P2RY8: variants seen among roughly 807,000 people sequenced by gnomAD.
P2RY8 encodes S-geranylgeranyl-glutathione receptor P2RY8.
A neutral mutation model predicts 10.0 loss-of-function variants in P2RY8; 6 were observed. The ratio of observed to expected loss-of-function variants is 0.60; its 90% CI spans 0.33 to 1.19. The LOEUF is 1.19. P2RY8 is among the 50% of genes most tolerant of loss of function. The probability of loss-of-function intolerance (pLI) is 0.04; values close to 1 mark genes in which losing one functional copy is unlikely to be tolerated. For synonymous variants in P2RY8, 276 were observed against 252.5 expected (o/e 1.09, Z -0.88); for missense variants, 456 against 542.0 (o/e 0.84, Z 1.58).
intron 1 of P2RY8, among the ~76,000 whole-genome samples, chrX:1,491,608 C>T (rs113031700): frequency 6.6e-6 from 1 of 151,898 alleles, no homozygotes; most frequent in East Asian, 1.9e-4. Flanking sequence ...AATGCACAGC[C>T]AATGAGTGAC....
Position 1,466,410 on chromosome X carries a change from C to T in P2RY8, c.149G>A (p.Arg50Gln), listed in dbSNP as rs1309224091. The T allele has an allele frequency of 1.2e-6, 2 of 1,613,342 alleles. No homozygotes were observed. The highest frequency in any genetic ancestry group is 1.7e-6 in the Non-Finnish European group (2 of 1,179,844). ...CGACGGGGATCTGGGCCCCATGCGC[C>T]GGCACAGCACCCACAGAGAGAAGAG... The part of the protein sequence containing the change: ...GNLFSLWVLC[R>Q]RMGPRSPSVI... The change falls in exon 2 of 2, where the codon CGG becomes CAG. Residue 50 changes from arginine to glutamine, a missense_variant. Transcript: ENST00000381297.
At chrX:1,468,529 C>T (rs755440324) in intron 1 of P2RY8, among the ~76,000 whole-genome samples, 1 of 152,290 alleles carries the variant, frequency 6.6e-6, no homozygotes, top group East Asian at 1.9e-4. Context: ...TGCCCTGACA[C>T]AGGAGGCACA....
chrX:1,472,776 T>C (rs1479872304), intron 1 of P2RY8, among the ~76,000 whole-genome samples: 3 of 145,000 alleles, frequency 2.1e-5, no homozygotes, highest in Non-Finnish European at 4.5e-5. Context: ...GATAGATGTG[T>C]GGGTGGATGA....
At chrX:1,493,235 C>A (rs1251952370) in intron 1 of P2RY8, among the ~76,000 whole-genome samples, 21 of 148,606 alleles carry the variant, frequency 1.4e-4, no homozygotes, top group African/African-American at 5.2e-4. Flanking sequence ...TTGCAGTGAG[C>A]AGAGGTCACG....
At chrX:1,502,485 C>T (rs1209799430) in intron 1 of P2RY8, among the ~76,000 whole-genome samples, 4 of 152,110 alleles carry the variant, frequency 2.6e-5, no homozygotes, top group African/African-American at 9.7e-5. Context: ...CTCCCGGCAA[C>T]ACGCTTTGCC....
chrX:1,525,049 G>A (rs2092431180), intron 1 of P2RY8, among the ~76,000 whole-genome samples: 1 of 152,208 alleles, frequency 6.6e-6, no homozygotes, highest in South Asian at 2.1e-4. Context: ...TGTAGCCAGG[G>A]TCTGTCACCT....
intron 1 of P2RY8, among the ~76,000 whole-genome samples, chrX:1,471,308 C>CCTT (rs1569536548): frequency 2.8e-5 from 2 of 71,110 alleles, no homozygotes; most frequent in Non-Finnish European, 2.7e-5. Flanking sequence ...GCGCCCAGCC[C>CCTT]ATTTTTTTTT....
intron 1 of P2RY8, among the ~76,000 whole-genome samples, chrX:1,469,760 C>A (rs1379442566): frequency 2.0e-5 from 3 of 151,698 alleles, no homozygotes; most frequent in African/African-American, 7.3e-5. Flanking sequence ...ATTAGCCGGG[C>A]GTGGTGGCAT....
intron 1 of P2RY8, among the ~76,000 whole-genome samples, chrX:1,499,470 G>A (rs1404706915): frequency 6.6e-6 from 1 of 152,086 alleles, no homozygotes; most frequent in African/African-American, 2.4e-5. Flanking sequence ...TGGTGGCCCT[G>A]GCCTTTTCTT....
chrX:1,484,746 A>AG (rs1305323623), intron 1 of P2RY8, among the ~76,000 whole-genome samples: 1 of 110,396 alleles, frequency 9.1e-6, no homozygotes, highest in African/African-American at 3.1e-5. Context: ...AAAAAAAAAA[A>AG]AAGAAGAAGA....
chrX:1,476,511 C>T (rs1274257534), intron 1 of P2RY8, among the ~76,000 whole-genome samples: 4 of 151,226 alleles, frequency 2.6e-5, no homozygotes, highest in Admixed American at 2.6e-4. Flanking sequence ...GGCATGAACC[C>T]CGGAGGCAGA....
rs185326195 is a variant in P2RY8, at chrX:1,463,437, A to G, written c.*2042T>C. On this transcript the variant is annotated 3_prime_UTR_variant, in exon 2 of 2. Transcript: ENST00000381297. ...CAGGTGTCCCTGGGCTTGTGGCCGC[A>G]TCACTCCAGTCTGCCTCTGTCTCCA... The G allele has an allele frequency of 8.6e-6, 2 of 231,900 alleles. No individual in the cohort carries two copies. The highest frequency in any genetic ancestry group is 1.2e-4 in the East Asian group (2 of 16,486). The allele number at this position is 231,900 out of a possible 1,614,324, so 14.4% of individuals were successfully genotyped here. A position where few individuals can be genotyped will look rare whatever the true frequency, so the allele number is the denominator to read the frequency against.
At chrX:1,501,934 G>A (rs2092184657) in intron 1 of P2RY8, among the ~76,000 whole-genome samples, 2 of 149,272 alleles carry the variant, frequency 1.3e-5, no homozygotes, top group African/African-American at 2.5e-5. Flanking sequence ...TTTTTGAGAC[G>A]AAATCTCGCT....
At chrX:1,484,248 G>A (rs778782082) in intron 1 of P2RY8, among the ~76,000 whole-genome samples, 3 of 152,188 alleles carry the variant, frequency 2.0e-5, no homozygotes, top group East Asian at 3.9e-4. Context: ...ATTTCCCCAC[G>A]TGTGAGCCAG....
intron 1 of P2RY8, among the ~76,000 whole-genome samples, chrX:1,525,923 T>C (rs1355856235): frequency 6.6e-6 from 1 of 152,140 alleles, no homozygotes; most frequent in African/African-American, 2.4e-5. Flanking sequence ...CATCCATCCA[T>C]CCATCCATTC....
At chrX:1,501,590 TTTTTTATTA>T (rs1483926008) in intron 1 of P2RY8, among the ~76,000 whole-genome samples, 2 of 151,488 alleles carry the variant, frequency 1.3e-5, no homozygotes, top group East Asian at 1.9e-4. Context: ...TTCATTTTTA[TTTTTTATTA>T]TTATTATTAT....
At chrX:1,499,134 T>C (rs1239765539) in intron 1 of P2RY8, among the ~76,000 whole-genome samples, 1 of 147,862 alleles carries the variant, frequency 6.8e-6, no homozygotes, top group Non-Finnish European at 1.5e-5. Context: ...CACCCAACCC[T>C]CTGTTTTTTT....
rs191303186 is a variant in P2RY8 at position 1,506,230 on chromosome X, C to T, written c.-25+30691G>A. Among the ~76,000 whole-genome samples, 41 of 152,092 alleles carry T rather than the reference C, an allele frequency of 2.7e-4. No homozygotes were observed. In the East Asian group the frequency reaches 3.5e-3, roughly 13 times the overall value. On this transcript the variant is annotated intron_variant, in intron 1 of 1. Transcript: ENST00000381297. ...CTGGTCTCGAACTCCTGACCTTAGACGACCCGCCTGCCTGAGCCTCCCAAA... is the reference window on the plus strand; with the variant it reads ...CTGGTCTCGAACTCCTGACCTTAGATGACCCGCCTGCCTGAGCCTCCCAAA...
At chrX:1,511,597 G>T (rs1172232460) in intron 1 of P2RY8, among the ~76,000 whole-genome samples, 1 of 152,172 alleles carries the variant, frequency 6.6e-6, no homozygotes, top group African/African-American at 2.4e-5. Flanking sequence ...ACAGCCCACT[G>T]CAGCCTCCAA....
Sources: allele counts gnomAD v4.1 joint callset (sites outside exome capture counted in the v4.1 genomes callset), GRCh38; gene constraint gnomAD v4.1.1; transcripts MANE v1.5; gene names NCBI Gene and HGNC (gene_info 2026-07-23, HGNC 2026-07-21).